Variants in TERT observed in about 807,000 individuals in gnomAD.
TERT encodes the protein telomerase catalytic subunit.
A neutral mutation model predicts 104.0 loss-of-function variants in TERT; 42 were observed. That is an observed-to-expected ratio of 0.40 (90% CI 0.32 to 0.52). The LOEUF is 0.52. Ranked by LOEUF, TERT falls within the 20% of genes least tolerant of loss-of-function variation. TERT has a pLI of 0.43. For synonymous variants in TERT, 781 were observed against 725.6 expected, an observed-to-expected ratio of 1.08 and a Z score of -1.23; for missense variants, 1,101 against 1,610.3, an observed-to-expected ratio of 0.68 and a Z score of 5.41.
At position 1,271,154 on chromosome 5, in the gene TERT, G is replaced by A. The variant is rs906364499; in HGVS notation, c.2433C>T (p.Arg811=). ...ASSGLFDVFL[R]FMCHHAVRIR... ...TGCGCACGGCGTGGTGGCACATGAA[G>A]CGTAGGAAGACGTCGAAGAGGCCAC... Residue 811 remains arginine, a synonymous_variant, in exon 8 of 16, where the codon CGC becomes CGT. Transcript: ENST00000310581. 4 of 1,613,062 alleles carry A rather than the reference G, an allele frequency of 2.5e-6. No individual in the cohort carries two copies. Among genetic ancestry groups the A allele is most frequent in the Non-Finnish European group, 3.4e-6 (4 of 1,180,050 alleles).
In TERT at chr5:1,282,573, G is replaced by A. The variant is rs1579580180; in HGVS notation, c.1625C>T (p.Ala542Val). 37 of 1,614,110 alleles carry A rather than the reference G, an allele frequency of 2.3e-5. No homozygotes were observed. Among genetic ancestry groups the A allele is most frequent in the Non-Finnish European group, 3.1e-5 (37 of 1,180,032 alleles). ...AEHRLREEIL[A>V]KFLHWLMSVY... ...ACTCATCAGCCAGTGCAGGAACTTG[G>A]CCAGGATCTCCTCACGCAGACGGTG... Residue 542 changes from alanine to valine, a missense_variant, in exon 3 of 16, where the codon GCC (alanine) becomes GTC (valine). By Grantham distance (64) the Ala-to-Val change is moderately conservative. Around this residue, in one of 5 missense-constraint regions of TERT, gnomAD observed 504 missense variants for 544.6 expected, o/e 0.93. Coordinates refer to ENST00000310581, the MANE Select transcript of TERT (RefSeq NM_198253.3).
At position 1,286,157 on chromosome 5, in the gene TERT, A is replaced by C. The variant is rs1750470440; in HGVS notation, c.1574-3533T>G. Among the ~76,000 whole-genome samples the C allele has an allele frequency of 6.6e-6, 1 of 152,148 alleles. No individual in the cohort carries two copies. The highest frequency in any genetic ancestry group is 1.5e-5 in the Non-Finnish European group (1 of 68,036). On this transcript the variant is annotated intron_variant, in intron 2 of 15. Coordinates refer to ENST00000310581, the MANE Select transcript of TERT (RefSeq NM_198253.3). The surrounding 1 kb of genome is among the most constrained non-coding windows in gnomAD (Gnocchi z 5.3). ...GAACGCTGGCCACGTGGTGCTCCAG[A>C]CACTCACGGGCCAAGATGACCGCCC... is the stretch of plus-strand genomic sequence containing the variant.
rs1369405421 is a variant in TERT at position 1,270,165 on chromosome 5, C to G, written c.2468+954G>C. Among the ~76,000 whole-genome samples the G allele has an allele frequency of 6.6e-6, 1 of 152,204 alleles. No individual in the cohort carries two copies. The highest frequency in any genetic ancestry group is 1.5e-5 in the Non-Finnish European group (1 of 68,038). Reference sequence around the variant, plus strand: ...CTGCCATGTGCAATTTGTGTTTTTCCAGAACGTGTGTACTACTTAATATTT... The same window carrying G: ...CTGCCATGTGCAATTTGTGTTTTTCGAGAACGTGTGTACTACTTAATATTT... On this transcript the variant is annotated intron_variant, in intron 8 of 15. Coordinates refer to ENST00000310581, the MANE Select transcript of TERT (RefSeq NM_198253.3). This position sits in a 1 kb window ranked among gnomAD's most constrained non-coding sequence, Gnocchi z 8.3.
chr5:1,257,948 C>T lies in TERT; in HGVS notation c.3032+650G>A, dbSNP rs577710767. Among the ~76,000 whole-genome samples the T allele has an allele frequency of 3.9e-5, 6 of 152,328 alleles. No individual in the cohort carries two copies. The highest frequency in any genetic ancestry group is 1.2e-4 in the African/African-American group (5 of 41,588). The stretch of plus-strand genomic sequence containing the variant: ...GCCCGACTGCCCTTTGGTACAGCCC[C>T]GAGGCTTGTGCCACCACCTGCCCTG... On this transcript the variant is annotated intron_variant, in intron 13 of 15. Coordinates refer to ENST00000310581, the MANE Select transcript of TERT (RefSeq NM_198253.3). This position sits in a 1 kb window ranked among gnomAD's most constrained non-coding sequence, Gnocchi z 5.6.
chr5:1,260,728 G>T, intron 11 of TERT, 128 bp from the exon 12 acceptor site: 1 of 1,345,720 alleles, frequency 7.4e-7, no homozygotes. Flanking sequence ...ATGCGCTGCA[G>T]CCCGAGGGGG....
At chr5:1,264,297 G>A in intron 11 of TERT, 107 bp downstream of exon 11, 2 of 1,247,536 alleles carry the variant, frequency 1.6e-6, no homozygotes, top group Non-Finnish European at 2.3e-6. Flanking sequence ...GACCCTTTGG[G>A]ATTGGCAGTC....
chr5:1,277,554 G>A (rs1749686142), intron 6 of TERT, among the ~76,000 whole-genome samples: 1 of 151,342 alleles, frequency 6.6e-6, no homozygotes, highest in African/African-American at 2.4e-5. Flanking sequence ...GGAGGTCGAG[G>A]TCGGAACGAG....
chr5:1,259,682 TGGACAC>T (rs1748062746), intron 12 of TERT, among the ~76,000 whole-genome samples: 2 of 65,784 alleles, frequency 3.0e-5, no homozygotes, highest in African/African-American at 6.3e-5. Context: ...AGAGGGGGAG[TGGACAC>T]GGACGCCCAC....
intron 6 of TERT, among the ~76,000 whole-genome samples, chr5:1,276,029 C>T (rs1579571049): frequency 7.3e-6 from 1 of 136,218 alleles, no homozygotes. Flanking sequence ...GAAAACCAAT[C>T]CCACAGATCC....
intron 6 of TERT, among the ~76,000 whole-genome samples, chr5:1,277,960 G>GC (rs1749724017): frequency 6.6e-6 from 1 of 152,202 alleles, no homozygotes; most frequent in Non-Finnish European, 1.5e-5. Context: ...CCCCTGCCGA[G>GC]CCCCAAGGCC....
Position 1,288,596 on chromosome 5 carries a change from C to T in TERT, c.1573+4717G>A, listed in dbSNP as rs1179601723. Among the ~76,000 whole-genome samples, 1 of 152,050 alleles carries T rather than the reference C, an allele frequency of 6.6e-6. No homozygotes were observed. The highest frequency in any genetic ancestry group is 2.4e-5 in the African/African-American group (1 of 41,396). ...GAATAAGGTGACAAGCGTTGCCACCCACCCAAGGGGGCCAAGCAGAGGGGC... is the reference window on the plus strand; with the variant it reads ...GAATAAGGTGACAAGCGTTGCCACCTACCCAAGGGGGCCAAGCAGAGGGGC... On this transcript the variant is annotated intron_variant, in intron 2 of 15. Transcript: ENST00000310581. The surrounding 1 kb of genome is among the most constrained non-coding windows in gnomAD (Gnocchi z 5.3).
At chr5:1,260,365 T>C in intron 12 of TERT, 109 bp downstream of exon 12, 2 of 1,560,278 alleles carry the variant, frequency 1.3e-6, no homozygotes, top group South Asian at 2.2e-5. Flanking sequence ...CACTCTTACG[T>C]GCAGCCAGTC....
At chr5:1,276,681 C>A (rs1345465247) in intron 6 of TERT, among the ~76,000 whole-genome samples, 21 of 46,312 alleles carry the variant, frequency 4.5e-4, no homozygotes, top group African/African-American at 9.7e-4. Context: ...CCACCTACCC[C>A]ACACATGAAA....
chr5:1,294,000 G>A lies in TERT; in HGVS notation c.886C>T (p.His296Tyr), dbSNP rs1045272001. 4 of 1,578,656 alleles carry A rather than the reference G, an allele frequency of 2.5e-6. No individual in the cohort carries two copies. The highest frequency in any genetic ancestry group is 3.4e-6 in the Non-Finnish European group (4 of 1,165,492). ...TGGTGCTGGCGGCCCACGGATGGGT[G>A]GGAGTGGCGCGTGCCAGAGAGCGCA... ...EGALSGTRHS[H>Y]PSVGRQHHAG... Residue 296 changes from histidine (H) to tyrosine (Y), a missense_variant, in exon 2 of 16, where the codon CAC becomes TAC. Physicochemically the swap from His to Tyr is moderately conservative, Grantham distance 83. Around this residue, in one of 5 missense-constraint regions of TERT, gnomAD observed 504 missense variants for 544.6 expected, o/e 0.93. Transcript: ENST00000310581.
chr5:1,280,002 G>C (rs372490610), intron 4 of TERT, among the ~76,000 whole-genome samples, 156 bp downstream of exon 4: 1 of 152,164 alleles, frequency 6.6e-6, no homozygotes, highest in Admixed American at 6.5e-5. Flanking sequence ...CCGGCACCTC[G>C]GCCACCTCAC....
rs1481478589 is a variant in TERT, at chr5:1,255,869, C to A, written c.3033-458G>T. Among the ~76,000 whole-genome samples, 3 of 152,042 alleles carry A rather than the reference C, an allele frequency of 2.0e-5. No homozygotes were observed. In the East Asian group the frequency reaches 5.8e-4, roughly 29 times the overall value. ...GCGCATCCCTTCTGAGCCACCCGCC[C>A]CTGTGGTGCATAAACCCTGGGTCTG... is the stretch of plus-strand genomic sequence containing the variant. On this transcript the variant is annotated intron_variant, in intron 13 of 15. Coordinates refer to ENST00000310581, the MANE Select transcript of TERT (RefSeq NM_198253.3). This position sits in a 1 kb window ranked among gnomAD's most constrained non-coding sequence, Gnocchi z 6.9.
intron 15 of TERT, 44 bp downstream of exon 15, chr5:1,254,324 C>G: frequency 6.2e-7 from 1 of 1,612,540 alleles, no homozygotes; most frequent in Non-Finnish European, 8.5e-7. Context: ...TCAAGGATGA[C>G]CCCTGGGCAG....
At chr5:1,282,833 C>T in intron 2 of TERT, 1 of 628,820 alleles carries the variant, frequency 1.6e-6, no homozygotes, top group Non-Finnish European at 2.9e-6. Flanking sequence ...GGGGACACCG[C>T]ATATCCAGCT....
chr5:1,256,919 C>T lies in TERT; in HGVS notation c.3033-1508G>A, dbSNP rs918056806. On this transcript the variant is annotated intron_variant, in intron 13 of 15. Transcript: ENST00000310581. The surrounding 1 kb of genome is among the most constrained non-coding windows in gnomAD (Gnocchi z 7.0). ...ACGGGCCAGGAAGGCCGAGCCCCAG[C>T]GGATTTGAATCAGACCCCGCCCCCA... Among the ~76,000 whole-genome samples, 22 of 152,142 alleles carry T rather than the reference C, an allele frequency of 1.4e-4. 1 individual carries two copies. Among genetic ancestry groups the T allele is most frequent in the African/African-American group, 4.3e-4 (18 of 41,438 alleles).
Sources: gnomAD v4.1 joint callset for allele counts (sites outside exome capture counted in the v4.1 genomes callset) on GRCh38, gnomAD v4.1.1 for gene constraint, gnomAD v4.1.1 regional missense constraint, Gnocchi (gnomAD v3.1) non-coding constraint, MANE v1.5 for transcripts, NCBI Gene and HGNC (gene_info 2026-07-23, HGNC 2026-07-21) for gene names.